The following NSG1 variants were observed in gnomAD, a reference collection of about 807,000 sequenced individuals.
The protein encoded by NSG1 is neuronal vesicle trafficking associated 1.
A neutral mutation model predicts 19.3 loss-of-function variants in NSG1; 9 were observed. That is an observed-to-expected ratio of 0.47 (90% CI 0.28 to 0.81). The LOEUF (loss-of-function observed/expected upper bound fraction) is 0.81, where lower values mean the gene tolerates loss of function less well. Ranked by LOEUF, NSG1 falls within the 40% of genes least tolerant of loss-of-function variation. NSG1 has a pLI of 0.11. For missense variants in NSG1, 236 were observed against 242.4 expected (o/e 0.97, Z 0.18); for synonymous variants, 104 against 107.0 (o/e 0.97, Z 0.17).
intron 3 of NSG1, among the ~76,000 whole-genome samples, chr4:4,403,383 T>C (rs1359817426): frequency 2.0e-5 from 3 of 152,176 alleles, no homozygotes; most frequent in African/African-American, 7.2e-5. Flanking sequence ...CCCTGCCGCT[T>C]CTGTCTTCTG....
chr4:4,390,547 C>A (rs999622750), intron 2 of NSG1, among the ~76,000 whole-genome samples: 8 of 152,320 alleles, frequency 5.3e-5, no homozygotes, highest in Admixed American at 1.3e-4. Flanking sequence ...AATGAAGGGG[C>A]CTCGTCCCTC....
intron 3 of NSG1, among the ~76,000 whole-genome samples, chr4:4,399,910 C>T (rs146697235): frequency 6.6e-6 from 1 of 152,250 alleles, no homozygotes; most frequent in Non-Finnish European, 1.5e-5. Context: ...TGCCACTGAT[C>T]TGACAGGAGA....
intron 3 of NSG1, among the ~76,000 whole-genome samples, chr4:4,396,782 C>T (rs1723273024): frequency 6.6e-6 from 1 of 151,690 alleles, no homozygotes; most frequent in Non-Finnish European, 1.5e-5. Flanking sequence ...CCAGTAAGCC[C>T]CTGGTGTGTT....
intron 3 of NSG1, among the ~76,000 whole-genome samples, chr4:4,397,582 G>A (rs752170803): frequency 2.0e-4 from 31 of 152,334 alleles, no homozygotes; most frequent in Admixed American, 3.9e-4. Flanking sequence ...CTGTCCAGAC[G>A]GTGAGCGTTC....
chr4:4,387,785 T>A, intron 2 of NSG1, 27 bp downstream of exon 2: 1 of 1,566,594 alleles, frequency 6.4e-7, no homozygotes, highest in South Asian at 1.1e-5. Flanking sequence ...CCCTCCACGT[T>A]GCCGGGTGTG....
Position 4,390,713 on chromosome 4 carries a change from T to A in NSG1, c.130-762T>A, listed in dbSNP as rs570223824. On this transcript the variant is annotated intron_variant, in intron 2 of 4. Coordinates refer to ENST00000621129, the MANE Select transcript of NSG1 (RefSeq NM_014392.5). ...TCCAGTGGGACAGAGAAGTAAACAG[T>A]CCCTGGCAACGGGTGTGGTGAGTGA... 4.0e-3 allele frequency among the ~76,000 whole-genome samples: 613 copies of A among 152,240 alleles called. 1 individual carries two copies. The highest frequency in any genetic ancestry group is 6.8e-3 in the Non-Finnish European group (464 of 68,006).
At chr4:4,393,617 C>A (rs1723104483) in intron 3 of NSG1, among the ~76,000 whole-genome samples, 1 of 152,240 alleles carries the variant, frequency 6.6e-6, no homozygotes, top group African/African-American at 2.4e-5. Flanking sequence ...TGGACTAAGT[C>A]TGCTGGGTGT....
chr4:4,402,449 G>A (rs1723614143), intron 3 of NSG1, among the ~76,000 whole-genome samples: 1 of 131,684 alleles, frequency 7.6e-6, no homozygotes, highest in South Asian at 2.5e-4. Context: ...GTGCAGTGGC[G>A]GGATCTCGGC....
At chr4:4,391,191 C>A (rs1722970672) in intron 2 of NSG1, among the ~76,000 whole-genome samples, 1 of 152,218 alleles carries the variant, frequency 6.6e-6, no homozygotes, top group Non-Finnish European at 1.5e-5. Context: ...GGCTGCATCC[C>A]CGCCCTGCCG....
At position 4,387,763 on chromosome 4, in the gene NSG1, GC is replaced by G. The variant is rs565067471; in HGVS notation, c.129+12del. The stretch of plus-strand genomic sequence containing the variant: ...CAGTTCCCGCCCCCGGATAAGGTAA[GC>G]CCCCCCACGCCCCTCCACGTTGCCG... On this transcript the variant is annotated splice_donor_region_variant and intron_variant, in intron 2 of 4. Transcript: ENST00000621129. 1,265 of 1,593,274 alleles carry G rather than the reference GC, an allele frequency of 7.9e-4. 4 individuals carry two copies. In the African/African-American group the frequency reaches 0.011, roughly 13 times the overall value.
chr4:4,387,675 C>T lies in NSG1; in HGVS notation c.46C>T (p.Pro16Ser). The T allele has an allele frequency of 1.2e-6, 2 of 1,613,844 alleles. No homozygotes were observed. The highest frequency in any genetic ancestry group is 1.7e-6 in the Non-Finnish European group (2 of 1,179,868). The change falls in exon 2 of 5, where the codon CCG (proline) becomes TCG (serine). Residue 16 changes from proline (P) to serine (S), a missense_variant. By Grantham distance (74) the Pro-to-Ser change is moderately conservative. Coordinates refer to ENST00000621129, the MANE Select transcript of NSG1 (RefSeq NM_014392.5). ...NNFAEKGTKQPLLEDGFDTIP... is the reference protein window; with the variant it reads ...NNFAEKGTKQSLLEDGFDTIP... ...TTTCGCAGAGAAGGGCACCAAGCAG[C>T]CGCTGCTGGAGGATGGCTTCGACAC...
intron 3 of NSG1, among the ~76,000 whole-genome samples, chr4:4,398,600 G>T (rs942095605): frequency 6.6e-6 from 1 of 152,222 alleles, no homozygotes; most frequent in Non-Finnish European, 1.5e-5. Context: ...GCTCAGCTAC[G>T]TTGTAGCACT....
intron 4 of NSG1, 90 bp downstream of exon 4, chr4:4,409,773 C>T: frequency 1.9e-6 from 2 of 1,040,274 alleles, no homozygotes; most frequent in Non-Finnish European, 3.0e-6. Context: ...GCCGTCTCCC[C>T]CAGCTGGCCC....
chr4:4,407,984 G>T (rs902425199), intron 3 of NSG1, among the ~76,000 whole-genome samples: 1 of 152,124 alleles, frequency 6.6e-6, no homozygotes, highest in Non-Finnish European at 1.5e-5. Flanking sequence ...CGTCTCCCAG[G>T]TGACCATGCT....
At chr4:4,404,099 C>T (rs1282555508) in intron 3 of NSG1, among the ~76,000 whole-genome samples, 1 of 152,214 alleles carries the variant, frequency 6.6e-6, no homozygotes, top group Non-Finnish European at 1.5e-5. Context: ...CCATTTTGTA[C>T]CCAGGCTGGA....
chr4:4,411,771 A>ACACAACACAAC (rs1560147702), intron 4 of NSG1, among the ~76,000 whole-genome samples: 78 of 118,470 alleles, frequency 6.6e-4, no homozygotes, highest in African/African-American at 3.0e-3. Context: ...AACAAAACAA[A>ACACAACACAAC]ACAAAACAAA....
At position 4,417,347 on chromosome 4, in the gene NSG1, T is replaced by C. The variant is rs1266166508; in HGVS notation, c.470T>C (p.Ile157Thr). The C allele has an allele frequency of 3.1e-6, 5 of 1,614,186 alleles. No individual in the cohort carries two copies. The East Asian group carries it at 1.1e-4, about 36-fold the overall frequency. ...CACTACAACCTGGCCAAGCAGAGCA[T>C]CACGCGCTCCGTATCGCCCTGGATG... The part of the protein sequence containing the change: ...INHYNLAKQS[I>T]TRSVSPWMSV... The change falls in exon 5 of 5, where the codon ATC (isoleucine) becomes ACC (threonine). Residue 157 changes from isoleucine (I) to threonine (T), a missense_variant. Ile to Thr is a moderately conservative substitution (Grantham distance 89, BLOSUM62 -1). Transcript: ENST00000621129.
At chr4:4,401,653 CGTACA>C (rs1415135814) in intron 3 of NSG1, among the ~76,000 whole-genome samples, 1 of 152,112 alleles carries the variant, frequency 6.6e-6, no homozygotes, top group Non-Finnish European at 1.5e-5. Flanking sequence ...GCTGTGGGAC[CGTACA>C]GCCCTGCAGG....
At chr4:4,415,936 CTG>C in intron 4 of NSG1, 1 of 605,314 alleles carries the variant, frequency 1.7e-6, no homozygotes, top group Non-Finnish European at 2.9e-6. Flanking sequence ...TCTGAATGGG[CTG>C]TTTGTTCTGT....
Sources: gnomAD v4.1 joint callset for allele counts (sites outside exome capture counted in the v4.1 genomes callset) on GRCh38, gnomAD v4.1.1 for gene constraint, MANE v1.5 for transcripts, NCBI Gene and HGNC (gene_info 2026-07-23, HGNC 2026-07-21) for gene names.